Variants in AFF2 observed in about 807,000 individuals in gnomAD.
The protein encoded by AFF2 is AF4/FMR2 family member 2.
In AFF2, 14 loss-of-function variants were observed where a neutral mutation model predicts 76.9. That is an observed-to-expected ratio of 0.18 (90% CI 0.12 to 0.28). The LOEUF is 0.28. Ranked by LOEUF, AFF2 falls within the 10% of genes least tolerant of loss-of-function variation. The pLI, the probability that AFF2 is intolerant of heterozygous loss-of-function variation, is 1.00. For missense variants in AFF2, 868 were observed against 1,001.1 expected (o/e 0.87, Z 1.79); for synonymous variants, 398 against 366.7 (o/e 1.09, Z -0.98).
At chrX:148,977,810 G>C in intron 16 of AFF2, 123 bp from the exon 17 acceptor site, 1 of 528,729 alleles carries the variant, frequency 1.9e-6, no homozygotes, top group South Asian at 2.9e-5. Flanking sequence ...ACATGTACCA[G>C]TCAGTCCTCT....
chrX:148,765,101 G>A (rs1254611007), intron 3 of AFF2, among the ~76,000 whole-genome samples: 1 of 111,407 alleles, frequency 9.0e-6, no homozygotes, highest in Non-Finnish European at 1.9e-5. Context: ...GCCCAGGCTG[G>A]CCAACAACTC....
At chrX:148,700,652 T>G (rs782295286) in intron 3 of AFF2, among the ~76,000 whole-genome samples, 3 of 110,995 alleles carry the variant, frequency 2.7e-5, no homozygotes, top group Non-Finnish European at 5.6e-5. Flanking sequence ...TTTTGGAATA[T>G]AACTACAGAA....
intron 13 of AFF2, among the ~76,000 whole-genome samples, chrX:148,966,453 C>G (rs1383121265): frequency 9.1e-6 from 1 of 109,370 alleles, no homozygotes; most frequent in Non-Finnish European, 1.9e-5. Context: ...TCCCTCCCTC[C>G]TCCTCTCTCC....
intron 7 of AFF2, among the ~76,000 whole-genome samples, chrX:148,849,094 A>G (rs1383161729): frequency 3.6e-5 from 4 of 111,585 alleles, no homozygotes; most frequent in African/African-American, 1.3e-4. Flanking sequence ...CAATATTGGC[A>G]TTTGGAATGT....
At chrX:148,503,432 C>T (rs1299876063) in intron 1 of AFF2, among the ~76,000 whole-genome samples, 5 of 111,437 alleles carry the variant, frequency 4.5e-5, no homozygotes, top group African/African-American at 1.6e-4. Context: ...TCCCCACGCC[C>T]CCAAGCCCCC....
chrX:148,692,145 A>T (rs1249405508), intron 3 of AFF2, among the ~76,000 whole-genome samples: 4 of 110,870 alleles, frequency 3.6e-5, no homozygotes, highest in Non-Finnish European at 7.5e-5. Context: ...ATGATTTTCT[A>T]AAAAAAGGAA....
chrX:148,852,721 A>G (rs1212704192), intron 7 of AFF2, among the ~76,000 whole-genome samples: 2 of 111,483 alleles, frequency 1.8e-5, no homozygotes, highest in African/African-American at 6.5e-5. Flanking sequence ...GCTCACAGCA[A>G]CCTCGTGAGA....
At chrX:148,774,510 C>G (rs1270476411) in intron 3 of AFF2, among the ~76,000 whole-genome samples, 1 of 111,374 alleles carries the variant, frequency 9.0e-6, no homozygotes, top group Non-Finnish European at 1.9e-5. Flanking sequence ...TTCCTTTCCA[C>G]TCTGCTGAAT....
At chrX:148,869,178 C>A (rs782268118) in intron 7 of AFF2, among the ~76,000 whole-genome samples, 2 of 111,361 alleles carry the variant, frequency 1.8e-5, no homozygotes, top group East Asian at 5.7e-4. Flanking sequence ...TCAATAGAGA[C>A]AGAAAGCAGA....
chrX:148,991,375 C>T lies in AFF2; in HGVS notation c.*43C>T, dbSNP rs782082132. The stretch of plus-strand genomic sequence containing the variant: ...CTAGCATCACGACCCATCACTCTAC[C>T]TCTACCAGCGCACTGATGGTCACTG... On this transcript the variant is annotated 3_prime_UTR_variant, in exon 21 of 21. Coordinates refer to ENST00000370460, the MANE Select transcript of AFF2 (RefSeq NM_002025.4). 59 of 1,153,478 alleles carry T rather than the reference C, an allele frequency of 5.1e-5. No individual in the cohort carries two copies. The highest frequency in any genetic ancestry group is 6.9e-5 in the Non-Finnish European group (59 of 860,278).
chrX:148,634,915 A>C (rs1484977701), intron 1 of AFF2, among the ~76,000 whole-genome samples: 3 of 111,520 alleles, frequency 2.7e-5, no homozygotes, highest in African/African-American at 9.8e-5. Context: ...AGACATTTGA[A>C]AGTTTTCATA....
intron 7 of AFF2, among the ~76,000 whole-genome samples, chrX:148,851,107 C>G (rs916874170): frequency 1.8e-5 from 2 of 112,297 alleles, no homozygotes; most frequent in South Asian, 3.7e-4. Flanking sequence ...TCACAAACAG[C>G]CAGATCCTTT....
intron 9 of AFF2, among the ~76,000 whole-genome samples, chrX:148,947,130 G>A (rs782673783): frequency 3.6e-5 from 4 of 111,697 alleles, no homozygotes; most frequent in East Asian, 2.8e-4. Flanking sequence ...AAATTGAGGC[G>A]GCTCTATTTC....
At chrX:148,783,620 A>G (rs1013536741) in intron 3 of AFF2, among the ~76,000 whole-genome samples, 1 of 111,792 alleles carries the variant, frequency 8.9e-6, no homozygotes, top group Non-Finnish European at 1.9e-5. Flanking sequence ...GGTTGCTGTA[A>G]CACTACTGGA....
chrX:148,605,069 C>T (rs1314875395), intron 1 of AFF2, among the ~76,000 whole-genome samples: 2 of 111,270 alleles, frequency 1.8e-5, no homozygotes, highest in African/African-American at 6.5e-5. Context: ...TAGAGAAATA[C>T]ACATTACCAA....
intron 3 of AFF2, among the ~76,000 whole-genome samples, chrX:148,771,851 T>C (rs1415518318): frequency 4.5e-5 from 5 of 111,763 alleles, no homozygotes; most frequent in Non-Finnish European, 9.4e-5. Flanking sequence ...TTTTAAAGGG[T>C]GTAATTTTAA....
At chrX:148,855,844 T>G (rs2070780827) in intron 7 of AFF2, among the ~76,000 whole-genome samples, 1 of 112,073 alleles carries the variant, frequency 8.9e-6, no homozygotes, top group African/African-American at 3.2e-5. Context: ...ACCTACATGA[T>G]ACGATTAAAT....
chrX:148,732,724 A>C lies in AFF2; in HGVS notation c.1041+69956A>C, dbSNP rs1434476160. Reference sequence around the variant, plus strand: ...CTAGTACCTGCTTCACCAGCCTCTCAGCATTGCTTAGAGGGCCAGAGGAGG... The same window carrying C: ...CTAGTACCTGCTTCACCAGCCTCTCCGCATTGCTTAGAGGGCCAGAGGAGG... On this transcript the variant is annotated intron_variant, in intron 3 of 20. Coordinates refer to ENST00000370460, the MANE Select transcript of AFF2 (RefSeq NM_002025.4). Among the ~76,000 whole-genome samples the C allele has an allele frequency of 4.6e-5, 5 of 109,515 alleles. No homozygotes were observed. The East Asian group carries it at 1.4e-3, about 32-fold the overall frequency.
chrX:148,768,923 C>T (rs2069552132), intron 3 of AFF2, among the ~76,000 whole-genome samples: 1 of 112,375 alleles, frequency 8.9e-6, no homozygotes. Flanking sequence ...GATCAAGAAT[C>T]AGATCTTGCC....
Sources: gnomAD v4.1 joint callset for allele counts (sites outside exome capture counted in the v4.1 genomes callset) on GRCh38, gnomAD v4.1.1 for gene constraint, MANE v1.5 for transcripts, NCBI Gene and HGNC (gene_info 2026-07-23, HGNC 2026-07-21) for gene names.